Variants in LRRC7 observed in about 807,000 individuals in gnomAD.
The protein encoded by LRRC7 is leucine rich repeat containing 7.
LRRC7 carries 23 observed loss-of-function variants against 175.7 expected under a neutral mutation model. That is an observed-to-expected ratio of 0.13 (90% confidence interval 0.09 to 0.19). The LOEUF is 0.19. Ranked by LOEUF, LRRC7 falls within the 10% of genes least tolerant of loss-of-function variation. The pLI, the probability that LRRC7 is intolerant of heterozygous loss-of-function variation, is 1.00. For synonymous variants in LRRC7, 685 were observed against 680.9 expected (o/e 1.01, Z -0.09); for missense variants, 1,354 against 1,904.7 (o/e 0.71, Z 5.38).
At chr1:69,785,258 C>T (rs758063133) in intron 3 of LRRC7, among the ~76,000 whole-genome samples, 5 of 151,924 alleles carry the variant, frequency 3.3e-5, no homozygotes, top group Non-Finnish European at 5.9e-5. Context: ...TTATACATTC[C>T]TGGTAAACTG....
chr1:69,991,896 A>G (rs1654474544), intron 10 of LRRC7, among the ~76,000 whole-genome samples: 1 of 152,118 alleles, frequency 6.6e-6, no homozygotes, highest in Non-Finnish European at 1.5e-5. Context: ...TTCCTCTTCT[A>G]GATGGAGAGT....
chr1:69,630,590 CT>C (rs1329033337), intron 1 of LRRC7, among the ~76,000 whole-genome samples: 1 of 151,124 alleles, frequency 6.6e-6, no homozygotes, highest in Non-Finnish European at 1.5e-5. Flanking sequence ...ATTGTACATG[CT>C]TTTGATTAAT....
At chr1:69,778,471 G>A (rs1299881586) in intron 3 of LRRC7, among the ~76,000 whole-genome samples, 3 of 152,090 alleles carry the variant, frequency 2.0e-5, no homozygotes, top group Non-Finnish European at 4.4e-5. Context: ...TTGTAACAGT[G>A]GGTTATAGAA....
intron 8 of LRRC7, among the ~76,000 whole-genome samples, chr1:69,961,994 C>A (rs1651143630): frequency 6.6e-6 from 1 of 151,982 alleles, no homozygotes; most frequent in South Asian, 2.1e-4. Context: ...CAAATGGGAT[C>A]TAATTAAACT....
At chr1:69,617,997 A>T (rs1413832270) in intron 1 of LRRC7, among the ~76,000 whole-genome samples, 1 of 152,160 alleles carries the variant, frequency 6.6e-6, no homozygotes, top group East Asian at 1.9e-4. Flanking sequence ...AAATAATGGA[A>T]GACACTGGCC....
At chr1:69,818,287 T>C (rs1438029815) in intron 4 of LRRC7, among the ~76,000 whole-genome samples, 1 of 152,124 alleles carries the variant, frequency 6.6e-6, no homozygotes, top group African/African-American at 2.4e-5. Context: ...GTACATTTCT[T>C]CTATACCTAA....
chr1:69,750,773 G>C (rs942673191), intron 2 of LRRC7, among the ~76,000 whole-genome samples: 12 of 152,058 alleles, frequency 7.9e-5, no homozygotes, highest in African/African-American at 2.4e-4. Flanking sequence ...AGCCTAAACT[G>C]GTTTCCTTTA....
At chr1:69,979,787 T>C (rs1379049248) in intron 8 of LRRC7, among the ~76,000 whole-genome samples, 1 of 152,040 alleles carries the variant, frequency 6.6e-6, no homozygotes, top group Non-Finnish European at 1.5e-5. Flanking sequence ...TCAATGGGGC[T>C]TATTCATCTT....
At chr1:69,614,549 G>A (rs1023726765) in intron 1 of LRRC7, among the ~76,000 whole-genome samples, 6 of 152,006 alleles carry the variant, frequency 3.9e-5, no homozygotes, top group African/African-American at 1.2e-4. Context: ...TCTGAGGCAC[G>A]TTGATATCAT....
intron 4 of LRRC7, among the ~76,000 whole-genome samples, chr1:69,806,627 A>C (rs986169365): frequency 6.6e-6 from 1 of 151,816 alleles, no homozygotes; most frequent in Non-Finnish European, 1.5e-5. Flanking sequence ...CCCATTTTTA[A>C]TTTTGTTTTA....
intron 3 of LRRC7, among the ~76,000 whole-genome samples, chr1:69,779,809 A>G (rs1673275609): frequency 6.6e-6 from 1 of 152,250 alleles, no homozygotes; most frequent in Non-Finnish European, 1.5e-5. Context: ...GTTAAAATGT[A>G]CTAGAAAGGA....
chr1:69,870,987 A>G lies in LRRC7; in HGVS notation c.647+32704A>G, dbSNP rs150414499. On this transcript the variant is annotated intron_variant, in intron 7 of 26. Transcript: ENST00000651989. ...ACAATTATATGATGTAAATTTTCTT[A>G]ATGGTTAGCTAAAGACTGCTCTAGC... Among the ~76,000 whole-genome samples the G allele has an allele frequency of 8.1e-4, 123 of 152,224 alleles. 1 individual carries two copies. Among genetic ancestry groups the G allele is most frequent in the African/African-American group, 2.9e-3 (120 of 41,570 alleles).
intron 7 of LRRC7, among the ~76,000 whole-genome samples, chr1:69,849,896 T>A (rs561851051): frequency 6.6e-6 from 1 of 152,090 alleles, no homozygotes; most frequent in Non-Finnish European, 1.5e-5. Context: ...TGCCAAGGAA[T>A]CTAACAATTT....
intron 1 of LRRC7, among the ~76,000 whole-genome samples, chr1:69,605,918 G>A (rs1009968814): frequency 1.3e-5 from 2 of 152,012 alleles, no homozygotes; most frequent in Non-Finnish European, 2.9e-5. Flanking sequence ...CCAGACGTAA[G>A]GAATGATTCT....
At chr1:69,611,442 C>T (rs1289293592) in intron 1 of LRRC7, among the ~76,000 whole-genome samples, 1 of 151,944 alleles carries the variant, frequency 6.6e-6, no homozygotes, top group Non-Finnish European at 1.5e-5. Flanking sequence ...ACAGGAAATA[C>T]TGAATTAGTG....
At chr1:69,635,305 G>T (rs1653154045) in intron 1 of LRRC7, among the ~76,000 whole-genome samples, 1 of 151,994 alleles carries the variant, frequency 6.6e-6, no homozygotes. Context: ...TTTAGTGTTT[G>T]CTTTAAGCTT....
chr1:69,845,191 C>T (rs987989352), intron 7 of LRRC7, among the ~76,000 whole-genome samples: 1 of 152,120 alleles, frequency 6.6e-6, no homozygotes. Flanking sequence ...GTAGAGATTG[C>T]AGTGAGCTCT....
chr1:70,095,048 T>G (rs146985800), intron 25 of LRRC7, among the ~76,000 whole-genome samples: 1 of 152,316 alleles, frequency 6.6e-6, no homozygotes, highest in African/African-American at 2.4e-5. Flanking sequence ...ACTAGACAAA[T>G]ACAATTTATT....
chr1:69,717,794 GAAAGAAAGA>G (rs1557640624), intron 2 of LRRC7, among the ~76,000 whole-genome samples: 1 of 18,714 alleles, frequency 5.3e-5, no homozygotes, highest in African/African-American at 3.1e-4. Context: ...AAGAAAGAAA[GAAAGAAAGA>G]AAGAAAGAAA....
Sources: allele counts gnomAD v4.1 joint callset (sites outside exome capture counted in the v4.1 genomes callset), GRCh38; gene constraint gnomAD v4.1.1; transcripts MANE v1.5; gene names NCBI Gene and HGNC (gene_info 2026-07-23, HGNC 2026-07-21).